Variants in LRRTM4 observed in about 807,000 individuals in gnomAD.
LRRTM4 encodes leucine-rich repeat transmembrane neuronal protein 4.
In LRRTM4, 25 loss-of-function variants were observed where a neutral mutation model predicts 47.6. The ratio of observed to expected loss-of-function variants is 0.53; its 90% CI spans 0.38 to 0.73. LRRTM4 has a LOEUF of 0.73. Ranked by LOEUF, LRRTM4 falls within the 30% of genes least tolerant of loss-of-function variation. The probability of loss-of-function intolerance (pLI) is 0.00; values close to 1 mark genes in which losing one functional copy is unlikely to be tolerated. For missense variants in LRRTM4, 638 were observed against 713.4 expected (o/e 0.89, Z 1.20); for synonymous variants, 311 against 269.5 (o/e 1.15, Z -1.51).
chr2:76,780,887 G>T (rs1203240291), intron 3 of LRRTM4, among the ~76,000 whole-genome samples: 1 of 144,504 alleles, frequency 6.9e-6, no homozygotes, highest in Non-Finnish European at 1.6e-5. Flanking sequence ...CGTCTTTGTG[G>T]TTTTTATCTA....
At chr2:77,166,958 G>T (rs1672903078) in intron 3 of LRRTM4, among the ~76,000 whole-genome samples, 1 of 152,068 alleles carries the variant, frequency 6.6e-6, no homozygotes, top group Non-Finnish European at 1.5e-5. Flanking sequence ...TGACAAATGG[G>T]ATCTAATTAA....
At chr2:76,763,049 C>A (rs6752009) in intron 3 of LRRTM4, among the ~76,000 whole-genome samples, 12,437 of 152,182 alleles carry the variant, frequency 0.082, 1,499 homozygotes, top group African/African-American at 0.26. Flanking sequence ...GAATGGCATT[C>A]TCTTCCTTTC....
intron 3 of LRRTM4, chr2:77,008,934 A>G (rs2104057169): frequency 8.0e-6 from 1 of 125,198 alleles, no homozygotes; most frequent in South Asian, 2.6e-4. Context: ...ATTGGAGCCA[A>G]CAAGAAAAAA....
At chr2:77,171,528 C>T (rs752354957) in intron 3 of LRRTM4, among the ~76,000 whole-genome samples, 9 of 152,046 alleles carry the variant, frequency 5.9e-5, no homozygotes, top group African/African-American at 1.2e-4. Context: ...CCACCCGCCT[C>T]GGCCTCCCAA....
intron 3 of LRRTM4, among the ~76,000 whole-genome samples, chr2:76,889,421 C>A (rs529010213): frequency 6.6e-6 from 1 of 152,018 alleles, no homozygotes; most frequent in East Asian, 1.9e-4. Context: ...TGAAATATGT[C>A]TTTCGTTTTC....
chr2:77,024,164 A>G (rs892787495), intron 3 of LRRTM4, among the ~76,000 whole-genome samples: 1 of 152,170 alleles, frequency 6.6e-6, no homozygotes, highest in African/African-American at 2.4e-5. Context: ...CTGTGATTCA[A>G]ATTATCCCAC....
At chr2:77,056,184 G>T (rs562487494) in intron 3 of LRRTM4, among the ~76,000 whole-genome samples, 10 of 107,592 alleles carry the variant, frequency 9.3e-5, no homozygotes, top group South Asian at 2.7e-4. Context: ...AAAACTTAAA[G>T]TATAATAATA....
chr2:77,216,459 G>A (rs757657611), intron 3 of LRRTM4, among the ~76,000 whole-genome samples: 2 of 151,884 alleles, frequency 1.3e-5, no homozygotes, highest in Non-Finnish European at 2.9e-5. Flanking sequence ...GAGGTCAAGA[G>A]ATCAAGACCA....
At chr2:76,996,301 C>T (rs1438691767) in intron 3 of LRRTM4, among the ~76,000 whole-genome samples, 4 of 151,968 alleles carry the variant, frequency 2.6e-5, no homozygotes. Flanking sequence ...TTAAACAAAA[C>T]CTCTGTTGAG....
At chr2:76,885,301 A>G (rs1424865929) in intron 3 of LRRTM4, among the ~76,000 whole-genome samples, 1 of 152,060 alleles carries the variant, frequency 6.6e-6, no homozygotes, top group East Asian at 1.9e-4. Context: ...TAGAGACATT[A>G]GACTGTAAAC....
chr2:77,192,605 C>A (rs62160475), intron 3 of LRRTM4, among the ~76,000 whole-genome samples: 69,630 of 151,846 alleles, frequency 0.46, 17,698 homozygotes, highest in Admixed American at 0.58. Flanking sequence ...TTTGGTAAAT[C>A]ATTCCAAATA....
At chr2:77,340,301 T>C (rs1201195267) in intron 3 of LRRTM4, among the ~76,000 whole-genome samples, 1 of 151,800 alleles carries the variant, frequency 6.6e-6, no homozygotes, top group Middle Eastern at 3.2e-3. Context: ...AGTTCACAGA[T>C]CTTGGGGGTA....
At chr2:76,778,677 G>T (rs1674173242) in intron 3 of LRRTM4, among the ~76,000 whole-genome samples, 1 of 151,656 alleles carries the variant, frequency 6.6e-6, no homozygotes, top group Non-Finnish European at 1.5e-5. Flanking sequence ...CTTGCTAGCG[G>T]TCTATCAATT....
chr2:77,458,559 C>T (rs2103967378), intron 3 of LRRTM4, among the ~76,000 whole-genome samples: 1 of 151,984 alleles, frequency 6.6e-6, no homozygotes, highest in African/African-American at 2.4e-5. Context: ...ATAATGAAAT[C>T]CATTTGCACT....
At chr2:77,053,360 G>A (rs988028528) in intron 3 of LRRTM4, among the ~76,000 whole-genome samples, 2 of 152,098 alleles carry the variant, frequency 1.3e-5, no homozygotes, top group Non-Finnish European at 2.9e-5. Flanking sequence ...AGGAAAAAAA[G>A]TGGAGGAATT....
intron 3 of LRRTM4, among the ~76,000 whole-genome samples, chr2:76,825,338 T>G (rs1671163229): frequency 6.6e-6 from 1 of 151,706 alleles, no homozygotes; most frequent in South Asian, 2.1e-4. Flanking sequence ...GTTGAAATAT[T>G]CTGACAGTAG....
intron 3 of LRRTM4, among the ~76,000 whole-genome samples, chr2:77,158,496 T>C (rs1672621093): frequency 6.6e-6 from 1 of 152,196 alleles, no homozygotes; most frequent in Non-Finnish European, 1.5e-5. Context: ...ACAGCACTTG[T>C]GTTTTGTTAT....
At chr2:77,487,153 G>T (rs1275060773) in intron 3 of LRRTM4, among the ~76,000 whole-genome samples, 1 of 152,218 alleles carries the variant, frequency 6.6e-6, no homozygotes, top group South Asian at 2.1e-4. Flanking sequence ...CAGAGCCAAT[G>T]GGAGCCAGGA....
At chr2:77,390,628 A>G (rs1673465879) in intron 3 of LRRTM4, among the ~76,000 whole-genome samples, 1 of 151,750 alleles carries the variant, frequency 6.6e-6, no homozygotes, top group Non-Finnish European at 1.5e-5. Context: ...AAATAGCTTT[A>G]TTATTATTAA....
Sources: gnomAD v4.1 joint callset for allele counts (sites outside exome capture counted in the v4.1 genomes callset) on GRCh38, gnomAD v4.1.1 for gene constraint, MANE v1.5 for transcripts, NCBI Gene and HGNC (gene_info 2026-07-23, HGNC 2026-07-21) for gene names.